The following MITD1 variants were observed in gnomAD, a reference collection of about 807,000 sequenced individuals.
The protein encoded by MITD1 is microtubule interacting and trafficking domain containing 1.
Under a neutral mutation model 34.9 loss-of-function variants are expected in MITD1, and 24 were observed. That is an observed-to-expected ratio of 0.69 (90% CI 0.50 to 0.97). The LOEUF (loss-of-function observed/expected upper bound fraction) is 0.97, where lower values mean the gene tolerates loss of function less well. Ranked by LOEUF, MITD1 falls within the 50% of genes least tolerant of loss-of-function variation. MITD1 has a pLI of 0.00. For missense variants in MITD1, 266 were observed against 294.6 expected (o/e 0.90, Z 0.71); for synonymous variants, 102 against 101.4 (o/e 1.01, Z -0.04).
Position 99,180,817 on chromosome 2 carries a change from GGCTCATT to G in MITD1, c.151+7_151+13del, listed in dbSNP as rs1335489704. ...CTTTTCCTCAGGTCCTCCCCGCCTT[GGCTCATT>G]GCTCACCTTTCAGAACCTGCAGGAG... On this transcript the variant is annotated splice_region_variant and intron_variant, in intron 1 of 6. Coordinates refer to ENST00000289359, the MANE Select transcript of MITD1 (RefSeq NM_138798.3). The G allele has an allele frequency of 6.2e-7, 1 of 1,610,594 alleles. No individual in the cohort carries two copies. Among genetic ancestry groups the G allele is most frequent in the Admixed American group, 1.7e-5 (1 of 59,938 alleles).
chr2:99,173,878 T>A (rs770416906), intron 2 of MITD1, 37 bp downstream of exon 2: 1 of 1,284,556 alleles, frequency 7.8e-7, no homozygotes, highest in South Asian at 1.2e-5. Flanking sequence ...ACAGTCACAG[T>A]TGTTTATGGA....
At chr2:99,170,478 T>G (rs1559177041) in intron 5 of MITD1, 59 bp downstream of exon 5, 2 of 526,548 alleles carry the variant, frequency 3.8e-6, no homozygotes, top group Non-Finnish European at 6.7e-6. Context: ...ATAAAACATT[T>G]ACAAAAATTT....
At chr2:99,162,569 C>T (rs2105200802) in intron 7 of MITD1, 1 of 1,614,136 alleles carries the variant, frequency 6.2e-7, no homozygotes. Context: ...GGAGCAATGC[C>T]ACTGCTAGCA....
chr2:99,163,510 T>C (rs2093812316), intron 7 of MITD1, among the ~76,000 whole-genome samples: 1 of 151,952 alleles, frequency 6.6e-6, no homozygotes, highest in South Asian at 2.1e-4. Flanking sequence ...CTATTTTTAA[T>C]AGAGACAGGG....
rs147171605 is a variant in MITD1 at position 99,163,064 on chromosome 2, T to A, written c.*4-846A>T. 3.7e-5 allele frequency: 58 copies of A among 1,553,570 alleles called. No homozygotes were observed. In the African/African-American group the frequency reaches 7.3e-4, roughly 20 times the overall value. ...AATGGAATATTCTCTGTGAAAAAAT[T>A]AAGGGAATAATGTGATTCCAAGTAA... On this transcript the variant is annotated intron_variant, in intron 7 of 7. Transcript: ENST00000422537.
downstream of MITD1, among the ~76,000 whole-genome samples, chr2:99,164,867 T>C (rs1330001805): frequency 2.7e-5 from 3 of 110,836 alleles, no homozygotes; most frequent in Non-Finnish European, 6.9e-5. Flanking sequence ...GAGGATATCA[T>C]CAGGCAAAGG....
At chr2:99,162,762 T>C in intron 7 of MITD1, 2 of 1,614,144 alleles carry the variant, frequency 1.2e-6, no homozygotes, top group Non-Finnish European at 1.7e-6. Flanking sequence ...ACTGCAAACT[T>C]GGGAGTGGAT....
At chr2:99,163,091 T>A (rs774009256) in intron 7 of MITD1, 1 of 1,509,150 alleles carries the variant, frequency 6.6e-7, no homozygotes, top group Admixed American at 2.2e-5. Context: ...TCCAAGTAAA[T>A]GTCTTAATAC....
intron 1 of MITD1, among the ~76,000 whole-genome samples, chr2:99,174,703 G>C (rs1422502252): frequency 1.3e-5 from 2 of 152,178 alleles, no homozygotes; most frequent in Non-Finnish European, 2.9e-5. Context: ...CAATTCTCCT[G>C]TCTTAGACTC....
Position 99,162,544 on chromosome 2 carries a change from C to T in MITD1, c.*4-326G>A, listed in dbSNP as rs746115042. ...TTCTTGTCTTCTTTGCTAAAGAGCC[C>T]TTACCAAGGGATCAGGAGCAATGCC... On this transcript the variant is annotated intron_variant, in intron 7 of 7. Transcript: ENST00000422537. 1.1e-5 allele frequency: 18 copies of T among 1,614,032 alleles called. No individual in the cohort carries two copies. In the Admixed American group the frequency reaches 1.5e-4, roughly 13 times the overall value.
At position 99,180,859 on chromosome 2, in the gene MITD1, C is replaced by T; in HGVS notation, c.123G>A (p.Gly41=). ...TCAGAACCTGCAGGAGCAGATCAAT[C>T]CCCTCTTGGTAACACACCAGAGCCT... The part of the protein sequence containing the change: ...YPQALVCYQE[G]IDLLLQVLKG... The change falls in exon 1 of 7, where the codon GGG becomes GGA. Residue 41 remains glycine, a synonymous_variant. Transcript: ENST00000289359. 6.2e-7 allele frequency: 1 copy of T among 1,614,196 alleles called. No homozygotes were observed.
intron 4 of MITD1, 167 bp from the exon 5 acceptor site, chr2:99,170,819 C>A: frequency 2.4e-6 from 1 of 408,714 alleles, no homozygotes; most frequent in East Asian, 3.6e-5. Context: ...GTTTAAAGAG[C>A]AATTATTTTT....
At chr2:99,165,090 C>CA (rs1256584775), downstream of MITD1, among the ~76,000 whole-genome samples, 2 of 150,404 alleles carry the variant, frequency 1.3e-5, no homozygotes, top group Non-Finnish European at 1.5e-5. Context: ...TTTTTTGAGA[C>CA]AGAGTCTCAT....
chr2:99,164,212 C>G (rs527971507), intron 7 of MITD1, among the ~76,000 whole-genome samples: 6 of 152,316 alleles, frequency 3.9e-5, no homozygotes, highest in African/African-American at 1.2e-4. Context: ...TTCTCAAGCT[C>G]AGAATTTCAC....
intron 7 of MITD1, chr2:99,163,291 CTT>C: frequency 2.9e-6 from 1 of 339,092 alleles, no homozygotes. Flanking sequence ...CTAGGATCCT[CTT>C]TCTTCTCTTT....
chr2:99,166,405 T>C (rs143217619), downstream of MITD1, among the ~76,000 whole-genome samples: 1 of 149,002 alleles, frequency 6.7e-6, no homozygotes, highest in East Asian at 2.0e-4. Context: ...CTGTTGACCT[T>C]AGCAAAAACG....
In MITD1 at chr2:99,171,517, G is replaced by A; in HGVS notation, c.383C>T (p.Thr128Ile). 1.2e-6 allele frequency: 2 copies of A among 1,607,976 alleles called. No homozygotes were observed. Among genetic ancestry groups the A allele is most frequent in the Non-Finnish European group, 1.7e-6 (2 of 1,174,766 alleles). Residue 128 changes from threonine to isoleucine, a missense_variant, in exon 3 of 7, where the codon ACT becomes ATT. By Grantham distance (89) the Thr-to-Ile change is moderately conservative. Transcript: ENST00000289359. ...TTTAGTATGTTCACATACCTGATGAGTATGTCTAATATAAGGATCTTCTAT... is the reference window on the plus strand; with the variant it reads ...TTTAGTATGTTCACATACCTGATGAATATGTCTAATATAAGGATCTTCTAT... The part of the protein sequence containing the change: ...VWIEDPYIRH[T>I]HQLYNFLRFC...
chr2:99,162,298 A>G (rs1485247302), intron 7 of MITD1: 2 of 1,612,830 alleles, frequency 1.2e-6, no homozygotes, highest in Non-Finnish European at 1.7e-6. Context: ...GGTAATATCA[A>G]TTTGACTTTC....
At chr2:99,171,682 C>T in intron 2 of MITD1, 36 bp from the exon 3 acceptor site, 1 of 1,579,308 alleles carries the variant, frequency 6.3e-7, no homozygotes. Flanking sequence ...AAACCAGTGA[C>T]CATTTTTTTT....
Sources: gnomAD v4.1 joint callset for allele counts (sites outside exome capture counted in the v4.1 genomes callset) on GRCh38, gnomAD v4.1.1 for gene constraint, MANE v1.5 for transcripts, NCBI Gene and HGNC (gene_info 2026-07-23, HGNC 2026-07-21) for gene names.